NDUFA3: variants seen among roughly 807,000 people sequenced by gnomAD.
The protein encoded by NDUFA3 is NADH:ubiquinone oxidoreductase subunit A3, also known as NADH dehydrogenase [ubiquinone] 1 alpha subcomplex subunit 3.
NDUFA3 carries 10 observed loss-of-function variants against 11.4 expected under a neutral mutation model. That is an observed-to-expected ratio of 0.87 (90% CI 0.54 to 1.48). The LOEUF is 1.48. NDUFA3 is among the 40% of genes most tolerant of loss of function. The pLI is 0.00. For synonymous variants in NDUFA3, 39 were observed against 46.9 expected, an observed-to-expected ratio of 0.83 and a Z score of 0.68; for missense variants, 115 against 110.5, an observed-to-expected ratio of 1.04 and a Z score of -0.18.
intron 2 of NDUFA3, among the ~76,000 whole-genome samples, chr19:54,103,897 G>A (rs1377134197): frequency 6.6e-5 from 10 of 151,812 alleles, no homozygotes; most frequent in African/African-American, 2.4e-4. Flanking sequence ...GCAGTGGCGC[G>A]ATCTCGGTTC....
chr19:54,103,168 CCTT>C lies in NDUFA3; in HGVS notation c.67_69del (p.Phe23del). On this transcript the variant is annotated inframe_deletion, in exon 2 of 4. Coordinates refer to ENST00000485876, the MANE Select transcript of NDUFA3 (RefSeq NM_004542.4). ...GACAAGGAGCCAGTGCTGGTCGTGT[CCTT>C]CGTCGTCGGGGGCCTCGGTGCGTGA... 2.5e-6 allele frequency: 4 copies of C among 1,601,944 alleles called. No homozygotes were observed. Among genetic ancestry groups the C allele is most frequent in the Non-Finnish European group, 3.4e-6 (4 of 1,172,016 alleles).
At chr19:54,103,036 G>T in intron 1 of NDUFA3, 78 bp from the exon 2 acceptor site, 2 of 1,552,150 alleles carry the variant, frequency 1.3e-6, no homozygotes, top group Non-Finnish European at 1.8e-6. Flanking sequence ...GCTCCTCCAG[G>T]GCAGGGGTGG....
intron 2 of NDUFA3, 62 bp from the exon 3 acceptor site, chr19:54,105,872 C>G: frequency 6.9e-7 from 1 of 1,440,960 alleles, no homozygotes; most frequent in Non-Finnish European, 9.8e-7. Context: ...CAAGGCTCAC[C>G]TTCTCTTCCC....
At chr19:54,103,729 A>T (rs1415458413) in intron 2 of NDUFA3, among the ~76,000 whole-genome samples, 1 of 152,112 alleles carries the variant, frequency 6.6e-6, no homozygotes, top group Non-Finnish European at 1.5e-5. Context: ...CCCAGGCTGA[A>T]GTGCAGTGGC....
rs986524463 is a variant in NDUFA3, at chr19:54,105,980, G to C, written c.132G>C (p.Met44Ile). The change falls in exon 3 of 4, where the codon ATG becomes ATC. Residue 44 changes from methionine to isoleucine, a missense_variant. Coordinates refer to ENST00000485876, the MANE Select transcript of NDUFA3 (RefSeq NM_004542.4). ...GCCCCTACTTCAAGTACTCCGTCAT[G>C]ATCAACAAGGCCACGCCCTACAACT... ...PLSPYFKYSVMINKATPYNYP... is the reference protein window; with the variant it reads ...PLSPYFKYSVIINKATPYNYP... 27 of 1,613,908 alleles carry C rather than the reference G, an allele frequency of 1.7e-5. No homozygotes were observed. The highest frequency in any genetic ancestry group is 2.3e-5 in the Non-Finnish European group (27 of 1,179,900).
At chr19:54,103,909 G>C (rs1262824309) in intron 2 of NDUFA3, among the ~76,000 whole-genome samples, 1 of 150,034 alleles carries the variant, frequency 6.7e-6, no homozygotes, top group African/African-American at 2.5e-5. Context: ...TCTCGGTTCA[G>C]TGCAAGCCCC....
intron 2 of NDUFA3, chr19:54,105,646 C>T (rs2073234848): frequency 1.5e-6 from 1 of 653,564 alleles, no homozygotes; most frequent in East Asian, 3.1e-5. Context: ...ACCCTACACT[C>T]AAACGTGCTC....
chr19:54,103,794 T>G (rs1378290129), intron 2 of NDUFA3, among the ~76,000 whole-genome samples: 3 of 152,044 alleles, frequency 2.0e-5, no homozygotes, highest in Admixed American at 2.0e-4. Context: ...TTCTCCTGCC[T>G]CAGCCTCCCG....
rs757061328 is a variant in NDUFA3, at chr19:54,107,119, G to T, written c.*217G>T. ...TGTCTGGACCCCGAGAAACCCAACT[G>T]GAATCCAGGGCCTCATCTGCTTCAA... On this transcript the variant is annotated 3_prime_UTR_variant, in exon 4 of 4. Transcript: ENST00000485876. 3.0e-5 allele frequency: 48 copies of T among 1,613,826 alleles called. No homozygotes were observed. In the Admixed American group the frequency reaches 7.8e-4, roughly 26 times the overall value.
chr19:54,105,125 C>T (rs1211008123), intron 2 of NDUFA3, among the ~76,000 whole-genome samples: 3 of 152,094 alleles, frequency 2.0e-5, no homozygotes, highest in African/African-American at 4.8e-5. Context: ...CTGGCTCTTA[C>T]CATCTGTCAG....
chr19:54,105,413 C>A (rs185451369), intron 2 of NDUFA3, among the ~76,000 whole-genome samples: 9 of 151,746 alleles, frequency 5.9e-5, no homozygotes, highest in African/African-American at 2.2e-4. Context: ...GGATTACAGG[C>A]TCCTGCCACC....
intron 2 of NDUFA3, 145 bp downstream of exon 2, chr19:54,103,333 A>G (rs2073149051): frequency 2.5e-6 from 2 of 802,184 alleles, no homozygotes; most frequent in Non-Finnish European, 3.8e-6. Context: ...ATCTATCCCC[A>G]TACCCATTAT....
intron 2 of NDUFA3, among the ~76,000 whole-genome samples, chr19:54,105,044 G>A (rs1272759042): frequency 1.2e-4 from 18 of 152,002 alleles, no homozygotes; most frequent in Admixed American, 6.6e-5. Context: ...ATCCAAGTAT[G>A]TTTCTTAAAA....
At position 54,106,988 on chromosome 19, in the gene NDUFA3, C is replaced by A. The variant is rs587756207; in HGVS notation, c.*86C>A. The stretch of plus-strand genomic sequence containing the variant: ...CCCCGAACGTGAGCATGTGTGTGAT[C>A]AGAGGTGGGAACAAGTAGACGGTGG... On this transcript the variant is annotated 3_prime_UTR_variant, in exon 4 of 4. Transcript: ENST00000485876. The A allele has an allele frequency of 5.6e-6, 9 of 1,604,806 alleles. No homozygotes were observed. In the East Asian group the frequency reaches 2.0e-4, roughly 36 times the overall value.
intron 3 of NDUFA3, chr19:54,106,324 G>A (rs765703134): frequency 2.4e-6 from 1 of 422,214 alleles, no homozygotes; most frequent in Non-Finnish European, 4.3e-6. Context: ...CCGCCACCAC[G>A]ACACGCAAAC....
chr19:54,105,264 C>CTTTTTTTTTTTTTTTTTTTTTT lies in NDUFA3; in HGVS notation c.86-649_86-648insTTTTTTTTTTTTTTTTTTTTTT, dbSNP rs796770972. The stretch of plus-strand genomic sequence containing the variant: ...ACCCTTTCTCCTCCAGTTTGTAAGG[C>CTTTTTTTTTTTTTTTTTTTTTT]TTTTTTTTTTTTTTTTTTTTTGGTG... On this transcript the variant is annotated intron_variant, in intron 2 of 3. Coordinates refer to ENST00000485876, the MANE Select transcript of NDUFA3 (RefSeq NM_004542.4). Among the ~76,000 whole-genome samples the CTTTTTTTTTTTTTTTTTTTTTT allele has an allele frequency of 4.8e-4, 34 of 71,254 alleles. 6 individuals are homozygous for CTTTTTTTTTTTTTTTTTTTTTT. Among genetic ancestry groups the CTTTTTTTTTTTTTTTTTTTTTT allele is most frequent in the African/African-American group, 4.8e-4 (8 of 16,564 alleles). The allele number at this position is 71,254 out of a possible 152,430, so 46.7% of individuals were successfully genotyped here. A position where few individuals can be genotyped will look rare whatever the true frequency, so the allele number is the denominator to read the frequency against.
chr19:54,105,892 G>C (rs887508111), intron 2 of NDUFA3, 42 bp from the exon 3 acceptor site: 1 of 1,539,658 alleles, frequency 6.5e-7, no homozygotes, highest in Non-Finnish European at 9.0e-7. Context: ...CCTCTCTTCA[G>C]AGCCACCTTC....
intron 2 of NDUFA3, among the ~76,000 whole-genome samples, chr19:54,104,125 G>A (rs1439055096): frequency 1.4e-5 from 2 of 144,938 alleles, no homozygotes; most frequent in East Asian, 4.0e-4. Context: ...GAGCCACCGC[G>A]CCCGGCCAGC....
Position 54,103,400 on chromosome 19 carries a change from C to T in NDUFA3, c.85+212C>T, listed in dbSNP as rs371125660. Among the ~76,000 whole-genome samples, 6 of 152,222 alleles carry T rather than the reference C, an allele frequency of 3.9e-5. No individual in the cohort carries two copies. In the East Asian group the frequency reaches 7.7e-4, roughly 20 times the overall value. ...TCCACCTACCCAATACGCTCTTAAC[C>T]CCTCTAAATGAGACGTTCTCAACCC... On this transcript the variant is annotated intron_variant, in intron 2 of 3. Coordinates refer to ENST00000485876, the MANE Select transcript of NDUFA3 (RefSeq NM_004542.4).
Sources: gnomAD v4.1 joint callset for allele counts (sites outside exome capture counted in the v4.1 genomes callset) on GRCh38, gnomAD v4.1.1 for gene constraint, MANE v1.5 for transcripts, NCBI Gene and HGNC (gene_info 2026-07-23, HGNC 2026-07-21) for gene names.